RAPGEF2: variants seen among roughly 807,000 people sequenced by gnomAD.
RAPGEF2 encodes the protein Rap guanine nucleotide exchange factor 2, also known as PDZ domain containing guanine nucleotide exchange factor (GEF) 1.
A neutral mutation model predicts 186.7 loss-of-function variants in RAPGEF2; 54 were observed. The observed-to-expected ratio is 0.29, with a 90% CI of 0.23 to 0.36. RAPGEF2 has a LOEUF of 0.36. Among genes scored for constraint, RAPGEF2 ranks in the 10% least tolerant of loss-of-function variants. The probability of loss-of-function intolerance (pLI) is 1.00; values close to 1 mark genes in which losing one functional copy is unlikely to be tolerated. For synonymous variants in RAPGEF2, 712 were observed against 705.9 expected (o/e 1.01, Z -0.14); for missense variants, 1,532 against 2,045.0 (o/e 0.75, Z 4.84).
At chr4:159,226,401 A>G (rs746204418) in intron 4 of RAPGEF2, among the ~76,000 whole-genome samples, 1 of 152,154 alleles carries the variant, frequency 6.6e-6, no homozygotes, top group Non-Finnish European at 1.5e-5. Flanking sequence ...GTGTAACTTT[A>G]TAGTCACTTT....
intron 3 of RAPGEF2, among the ~76,000 whole-genome samples, chr4:159,200,916 C>T (rs1177662982): frequency 6.6e-6 from 1 of 152,052 alleles, no homozygotes; most frequent in Admixed American, 6.6e-5. Context: ...TTACATATAA[C>T]TCAGTATTAT....
chr4:159,296,074 C>T (rs896648916), intron 7 of RAPGEF2, among the ~76,000 whole-genome samples: 1 of 152,132 alleles, frequency 6.6e-6, no homozygotes, highest in African/African-American at 2.4e-5. Context: ...AATATGTGAT[C>T]TCAGAATTGC....
chr4:159,212,477 A>G (rs1206677022), intron 4 of RAPGEF2, among the ~76,000 whole-genome samples: 1 of 152,070 alleles, frequency 6.6e-6, no homozygotes, highest in Admixed American at 6.6e-5. Context: ...CTTTAATAGT[A>G]TTTTTTTCTC....
intron 7 of RAPGEF2, among the ~76,000 whole-genome samples, chr4:159,297,026 A>G (rs887964355): frequency 9.2e-5 from 14 of 152,200 alleles, no homozygotes; most frequent in African/African-American, 3.4e-4. Context: ...CCCATTTCAT[A>G]CACGCAAGAA....
At position 159,103,990 on chromosome 4, in the gene RAPGEF2, G is replaced by C. The variant is rs1737480550; in HGVS notation, c.-173G>C. 2 of 160,358 alleles carry C rather than the reference G, an allele frequency of 1.2e-5. No individual in the cohort carries two copies. Among genetic ancestry groups the C allele is most frequent in the East Asian group, 1.9e-4 (1 of 5,218 alleles). 9.9% of individuals were successfully genotyped at this position (160,358 alleles called of 1,614,324 possible). A position where few individuals can be genotyped will look rare whatever the true frequency, so the allele number is the denominator to read the frequency against. Reference sequence around the variant, plus strand: ...CGCCTGTACCGCGCTCTCGGCCGCCGGGCCCAGCCGAGCCGCCCCCCCGCG... The same window carrying C: ...CGCCTGTACCGCGCTCTCGGCCGCCCGGCCCAGCCGAGCCGCCCCCCCGCG... On this transcript the variant is annotated 5_prime_UTR_variant, in exon 1 of 30. Coordinates refer to ENST00000691494, the MANE Select transcript of RAPGEF2 (RefSeq NM_001394067.2).
rs150579039 is a variant in RAPGEF2 at position 159,348,637 on chromosome 4, A to G, written c.3713-1500A>G. The stretch of plus-strand genomic sequence containing the variant: ...ATCCCCTGCAGTCTGTATCGTCTTT[A>G]TGCAGAACTTCTCATATGGAAGATT... On this transcript the variant is annotated intron_variant, in intron 25 of 29. Transcript: ENST00000691494. Among the ~76,000 whole-genome samples, 7 of 152,282 alleles carry G rather than the reference A, an allele frequency of 4.6e-5. 1 individual carries two copies. The highest frequency in any genetic ancestry group is 2.6e-4 in the Admixed American group (4 of 15,302).
intron 7 of RAPGEF2, among the ~76,000 whole-genome samples, chr4:159,271,510 C>A (rs1373748494): frequency 6.6e-6 from 1 of 152,050 alleles, no homozygotes; most frequent in African/African-American, 2.4e-5. Context: ...TCTTAAGAAA[C>A]AGTATTACCT....
intron 1 of RAPGEF2, among the ~76,000 whole-genome samples, chr4:159,177,625 A>G (rs1480276276): frequency 2.0e-5 from 3 of 152,310 alleles, no homozygotes; most frequent in East Asian, 3.9e-4. Context: ...GTTTTAGTGT[A>G]GAAGTATTTG....
At chr4:159,330,263 A>AATGTGTGTGTGTG (rs1766479049) in intron 12 of RAPGEF2, 71 bp from the exon 13 acceptor site, 1 of 408,798 alleles carries the variant, frequency 2.4e-6, no homozygotes, top group East Asian at 3.2e-5. Flanking sequence ...GTGTATATGT[A>AATGTGTGTGTGTG]TATGTGTGTG....
chr4:159,166,431 A>G (rs566416918), intron 1 of RAPGEF2, among the ~76,000 whole-genome samples: 3 of 152,346 alleles, frequency 2.0e-5, no homozygotes, highest in African/African-American at 4.8e-5. Flanking sequence ...GAGTGCGTCT[A>G]GAGGAAATGT....
intron 7 of RAPGEF2, among the ~76,000 whole-genome samples, chr4:159,276,368 A>G (rs1007950500): frequency 2.0e-5 from 3 of 152,196 alleles, no homozygotes; most frequent in East Asian, 1.9e-4. Flanking sequence ...AGGACTTCCT[A>G]TTTCCTGTTG....
intron 1 of RAPGEF2, among the ~76,000 whole-genome samples, chr4:159,124,544 G>A (rs1295540887): frequency 1.3e-5 from 2 of 151,712 alleles, no homozygotes; most frequent in African/African-American, 4.8e-5. Flanking sequence ...GTCTAAAAGA[G>A]AAAAAAAATT....
At position 159,353,196 on chromosome 4, in the gene RAPGEF2, C is replaced by T. The variant is rs1386972237; in HGVS notation, c.4091+286C>T. Among the ~76,000 whole-genome samples the T allele has an allele frequency of 2.6e-5, 4 of 151,778 alleles. No individual in the cohort carries two copies. The highest frequency in any genetic ancestry group is 5.9e-5 in the Non-Finnish European group (4 of 68,002). ...CCAGTTGTTTCGTATGAGCTGCCTT[C>T]CTGAAATAATCAAATTATATTGAGC... is the stretch of plus-strand genomic sequence containing the variant. On this transcript the variant is annotated intron_variant, in intron 27 of 29. Transcript: ENST00000691494. The surrounding 1 kb of genome is among the most constrained non-coding windows in gnomAD (Gnocchi z 4.3).
intron 25 of RAPGEF2, among the ~76,000 whole-genome samples, chr4:159,348,852 C>T (rs2111310330): frequency 6.6e-6 from 1 of 152,266 alleles, no homozygotes; most frequent in Middle Eastern, 3.4e-3. Flanking sequence ...GTTTAACATA[C>T]ACATTTAAAG....
At chr4:159,246,703 G>A (rs1327475358) in intron 7 of RAPGEF2, among the ~76,000 whole-genome samples, 4 of 152,056 alleles carry the variant, frequency 2.6e-5, no homozygotes, top group Non-Finnish European at 5.9e-5. Flanking sequence ...TCTGACTTGA[G>A]TTATGTTCTT....
intron 7 of RAPGEF2, among the ~76,000 whole-genome samples, chr4:159,289,665 C>T (rs1181301809): frequency 6.6e-6 from 1 of 152,072 alleles, no homozygotes; most frequent in Non-Finnish European, 1.5e-5. Context: ...AAAGACACAC[C>T]TAGAGAGGGC....
intron 1 of RAPGEF2, among the ~76,000 whole-genome samples, chr4:159,161,578 C>T (rs764464764): frequency 6.6e-6 from 1 of 152,038 alleles, no homozygotes; most frequent in Non-Finnish European, 1.5e-5. Context: ...GTGACACTTG[C>T]CTGTAGTCCC....
chr4:159,117,789 A>C (rs1739207178), intron 1 of RAPGEF2, among the ~76,000 whole-genome samples: 1 of 152,152 alleles, frequency 6.6e-6, no homozygotes, highest in African/African-American at 2.4e-5. Flanking sequence ...AAATTTCACA[A>C]CACTGGGCAT....
chr4:159,254,600 C>CTT (rs34644510), intron 7 of RAPGEF2, among the ~76,000 whole-genome samples: 24,472 of 124,308 alleles, frequency 0.2, 2,551 homozygotes, highest in African/African-American at 0.25. Flanking sequence ...TACAGCATGA[C>CTT]TTTTTTTTTT....
Sources: gnomAD v4.1 joint callset for allele counts (sites outside exome capture counted in the v4.1 genomes callset) on GRCh38, gnomAD v4.1.1 for gene constraint, Gnocchi (gnomAD v3.1) non-coding constraint, MANE v1.5 for transcripts, NCBI Gene and HGNC (gene_info 2026-07-23, HGNC 2026-07-21) for gene names.